The following GAS2L1 variants were observed in gnomAD, a reference collection of about 807,000 sequenced individuals.
The protein encoded by GAS2L1 is GAS2-like protein 1.
GAS2L1 carries 26 observed loss-of-function variants against 44.0 expected under a neutral mutation model. The observed-to-expected ratio is 0.59, with a 90% CI of 0.43 to 0.82. The LOEUF (loss-of-function observed/expected upper bound fraction) is 0.82, where lower values mean the gene tolerates loss of function less well. Among genes scored for constraint, GAS2L1 ranks in the 40% least tolerant of loss-of-function variants. The pLI, the probability that GAS2L1 is intolerant of heterozygous loss-of-function variation, is 0.00. For missense variants in GAS2L1, 1,006 were observed against 983.0 expected (o/e 1.02, Z -0.31); for synonymous variants, 426 against 415.9 (o/e 1.02, Z -0.30).
chr22:29,308,996 C>T lies in GAS2L1; in HGVS notation c.633+258C>T, dbSNP rs536758062. Among the ~76,000 whole-genome samples, 11 of 152,392 alleles carry T rather than the reference C, an allele frequency of 7.2e-5. No homozygotes were observed. In the South Asian group the frequency reaches 2.3e-3, roughly 32 times the overall value. On this transcript the variant is annotated intron_variant, in intron 1 of 4. Coordinates refer to ENST00000618518, the Ensembl canonical transcript of GAS2L1. ...ATGCGGGCTCCTGGCACGATCTTCC[C>T]TCACTTTGTGTGCTAACTGTGCCTC...
At chr22:29,312,216 G>A (rs763459663) in exon 5 of GAS2L1, 5 of 1,612,912 alleles carry the variant, frequency 3.1e-6, no homozygotes, top group African/African-American at 2.7e-5. Context: ...GACGGCCAAT[G>A]GGCTGCCTGG....
chr22:29,308,340 G>A (rs1352445019), exon 1 of GAS2L1: 7 of 1,602,070 alleles, frequency 4.4e-6, no homozygotes, highest in East Asian at 4.5e-5. Flanking sequence ...ATTGGCAGCC[G>A]CCCGCCCGGC....
At chr22:29,308,525 G>A in exon 1 of GAS2L1, 3 of 1,606,796 alleles carry the variant, frequency 1.9e-6, no homozygotes, top group Non-Finnish European at 1.7e-6. Context: ...TGCTGTGCCT[G>A]CTGGAGGTGG....
exon 5 of GAS2L1, chr22:29,311,852 G>A: frequency 1.3e-6 from 2 of 1,593,814 alleles, no homozygotes; most frequent in Non-Finnish European, 1.7e-6. Flanking sequence ...GTGGGGGCTC[G>A]GGCAGGAGCA....
In GAS2L1 at chr22:29,309,047, T is replaced by TG. The variant is rs555927904; in HGVS notation, c.633+315dup. Among the ~76,000 whole-genome samples the TG allele has an allele frequency of 7.0e-4, 107 of 152,338 alleles. 1 individual carries two copies. The highest frequency in any genetic ancestry group is 2.1e-3 in the African/African-American group (89 of 41,582). On this transcript the variant is annotated intron_variant, in intron 1 of 4. Coordinates refer to ENST00000618518, the Ensembl canonical transcript of GAS2L1. ...AACTGAGCTTGTGCATTCCTTCTTC[T>TG]GGGGGGCCGCATGATCGGGGCGCCT...
exon 5 of GAS2L1, chr22:29,312,415 G>A (rs1396154573): frequency 1.9e-6 from 3 of 1,560,312 alleles, no homozygotes; most frequent in Non-Finnish European, 2.6e-6. Context: ...GGCCCCCGCC[G>A]CCCCTCCGGA....
exon 1 of GAS2L1, chr22:29,307,324 G>T (rs1454964574): frequency 1.3e-5 from 2 of 152,164 alleles, no homozygotes; most frequent in Admixed American, 6.5e-5. Flanking sequence ...TGCGGAGGCC[G>T]CTCTGAGTCC....
At chr22:29,312,657 C>G (rs1296755730) in exon 5 of GAS2L1, 4 of 466,934 alleles carry the variant, frequency 8.6e-6, no homozygotes, top group African/African-American at 2.0e-5. Flanking sequence ...GTTGTACATT[C>G]CGGTTGGGGG....
At chr22:29,310,935 C>G in exon 4 of GAS2L1, 1 of 1,613,738 alleles carries the variant, frequency 6.2e-7, no homozygotes, top group Non-Finnish European at 8.5e-7. Flanking sequence ...CGCCGGGGCT[C>G]CCGGCCTGAG....
exon 5 of GAS2L1, chr22:29,312,147 T>A (rs751228261): frequency 6.2e-7 from 1 of 1,612,918 alleles, no homozygotes; most frequent in Non-Finnish European, 8.5e-7. Context: ...CTCCAGTTCC[T>A]CCTCTTCGTC....
exon 5 of GAS2L1, chr22:29,312,589 G>A: frequency 6.3e-6 from 6 of 953,702 alleles, no homozygotes; most frequent in Non-Finnish European, 9.0e-6. Flanking sequence ...TCTGCCTCTT[G>A]AGTACCAGAC....
exon 5 of GAS2L1, chr22:29,312,601 T>A: frequency 1.2e-6 from 1 of 800,844 alleles, no homozygotes; most frequent in South Asian, 2.5e-5. Flanking sequence ...GTACCAGACC[T>A]CATGGGACCA....
At chr22:29,311,466 C>T in exon 5 of GAS2L1, 2 of 1,332,096 alleles carry the variant, frequency 1.5e-6, no homozygotes, top group Non-Finnish European at 1.0e-6. Context: ...CCCCAGGCCC[C>T]GGGATCAGCT....
exon 5 of GAS2L1, chr22:29,311,837 G>GGGCAGT: frequency 1.9e-6 from 3 of 1,592,758 alleles, no homozygotes; most frequent in East Asian, 2.2e-5. Flanking sequence ...CAAGGGGCAG[G>GGGCAGT]GGCAGTGGGG....
exon 1 of GAS2L1, chr22:29,308,551 G>A: frequency 1.3e-6 from 2 of 1,598,896 alleles, no homozygotes; most frequent in Non-Finnish European, 1.7e-6. Flanking sequence ...CGTGGGGCAC[G>A]CCTGGGCCTG....
exon 5 of GAS2L1, chr22:29,311,816 C>T (rs2061411113): frequency 1.3e-6 from 2 of 1,588,928 alleles, no homozygotes; most frequent in Admixed American, 1.7e-5. Flanking sequence ...ACGGGCAGCA[C>T]TCATGGGTGC....
At chr22:29,309,015 G>A (rs1285819641) in intron 1 of GAS2L1, among the ~76,000 whole-genome samples, 1 of 152,242 alleles carries the variant, frequency 6.6e-6, no homozygotes, top group Non-Finnish European at 1.5e-5. Context: ...TGTGCTAACT[G>A]TGCCTCAACT....
Position 29,307,120 on chromosome 22 carries a change from G to GGGCAATGC in GAS2L1, c.-985_-978dup, listed in dbSNP as rs1372029999. The GGGCAATGC allele has an allele frequency of 1.3e-5, 2 of 152,010 alleles. No homozygotes were observed. The highest frequency in any genetic ancestry group is 1.3e-4 in the Admixed American group (2 of 15,260). 9.4% of individuals were successfully genotyped at this position (152,010 alleles called of 1,614,324 possible). ...CCCGGCCCGGCTCCGGCCCCCGCTG[G>GGGCAATGC]GGCAATGCTCCCCGGGGCCGCGGGA... On this transcript the variant is annotated 5_prime_UTR_variant, in exon 1 of 5. The change creates a new upstream start codon in the 5' untranslated region. Transcript: ENST00000618518.
intron 1 of GAS2L1, among the ~76,000 whole-genome samples, chr22:29,309,197 T>C (rs1455662479): frequency 1.3e-5 from 2 of 152,224 alleles, no homozygotes; most frequent in Admixed American, 6.5e-5. Flanking sequence ...GCAAGGTGCC[T>C]GGCACACAGT....
Sources: allele counts gnomAD v4.1 joint callset (sites outside exome capture counted in the v4.1 genomes callset), GRCh38; gene constraint gnomAD v4.1.1; transcripts MANE v1.5; gene names NCBI Gene and HGNC (gene_info 2026-07-23, HGNC 2026-07-21).